Variants in PCMTD1 observed in about 807,000 individuals in gnomAD.
PCMTD1 encodes the protein protein-L-isoaspartate (D-aspartate) O-methyltransferase domain containing 1.
Under a neutral mutation model 37.6 loss-of-function variants are expected in PCMTD1, and 12 were observed. The ratio of observed to expected loss-of-function variants is 0.32; its 90% CI spans 0.20 to 0.52. The LOEUF (loss-of-function observed/expected upper bound fraction) is 0.52. Ranked by LOEUF, PCMTD1 falls within the 20% of genes least tolerant of loss-of-function variation. The pLI, the probability that PCMTD1 is intolerant of heterozygous loss-of-function variation, is 0.97. For missense variants in PCMTD1, 235 were observed against 421.3 expected (o/e 0.56, Z 3.87); for synonymous variants, 117 against 135.8 (o/e 0.86, Z 0.96).
At chr8:51,863,025 T>C (rs570071684) in intron 1 of PCMTD1, among the ~76,000 whole-genome samples, 2 of 73,616 alleles carry the variant, frequency 2.7e-5, no homozygotes, top group South Asian at 1.2e-3. Flanking sequence ...AGCATTTCAA[T>C]ACTTTTTTTT....
intron 1 of PCMTD1, among the ~76,000 whole-genome samples, chr8:51,897,823 T>C (rs1563368756): frequency 1.3e-5 from 2 of 152,188 alleles, no homozygotes; most frequent in Non-Finnish European, 2.9e-5. Flanking sequence ...TTTTTTAAAA[T>C]AATGAGGTGT....
intron 1 of PCMTD1, among the ~76,000 whole-genome samples, chr8:51,894,341 T>C (rs2038972565): frequency 6.6e-6 from 1 of 152,156 alleles, no homozygotes; most frequent in East Asian, 1.9e-4. Flanking sequence ...AGTCAAATAA[T>C]GCAGTTTTGA....
At position 51,853,430 on chromosome 8, in the gene PCMTD1, G is replaced by C. The variant is rs191701865; in HGVS notation, c.307+7415C>G. Among the ~76,000 whole-genome samples the C allele has an allele frequency of 5.2e-3, 786 of 151,094 alleles. 1 individual carries two copies. Among genetic ancestry groups the C allele is most frequent in the Middle Eastern group, 0.021 (6 of 290 alleles). ...CTGTAGGTGCCAGCTCCTACACAGG[G>C]AGATAGAGATTCACAAATTTTACAC... is the stretch of plus-strand genomic sequence containing the variant. On this transcript the variant is annotated intron_variant, in intron 2 of 5. Coordinates refer to ENST00000522514, the MANE Select transcript of PCMTD1 (RefSeq NM_052937.4).
intron 1 of PCMTD1, among the ~76,000 whole-genome samples, chr8:51,893,747 C>T (rs1321979478): frequency 6.6e-6 from 1 of 152,046 alleles, no homozygotes; most frequent in Non-Finnish European, 1.5e-5. Context: ...TTCATGATAG[C>T]CTACAACAAG....
intron 2 of PCMTD1, among the ~76,000 whole-genome samples, chr8:51,859,592 AG>A (rs1053684839): frequency 2.0e-5 from 3 of 152,166 alleles, no homozygotes; most frequent in African/African-American, 7.2e-5. Context: ...GCTAGTGTGT[AG>A]GGAGGAAATT....
intron 3 of PCMTD1, among the ~76,000 whole-genome samples, chr8:51,838,071 GC>G (rs1015760926): frequency 3.0e-4 from 45 of 152,314 alleles, no homozygotes; most frequent in Middle Eastern, 3.4e-3. Context: ...ACAGGCGTGA[GC>G]CACCACACCC....
At chr8:51,881,933 T>A (rs186444116) in intron 1 of PCMTD1, among the ~76,000 whole-genome samples, 36 of 152,352 alleles carry the variant, frequency 2.4e-4, no homozygotes, top group African/African-American at 8.4e-4. Context: ...CAAGCATCCA[T>A]GTTTTTGCAT....
chr8:51,831,071 G>A (rs967101201), intron 5 of PCMTD1, among the ~76,000 whole-genome samples: 2 of 152,078 alleles, frequency 1.3e-5, no homozygotes, highest in Non-Finnish European at 2.9e-5. Context: ...GCTGAGATGG[G>A]TGGATCACTC....
In PCMTD1 at chr8:51,820,269, A is replaced by C; in HGVS notation, c.*82T>G. The C allele has an allele frequency of 7.7e-7, 1 of 1,294,742 alleles. No homozygotes were observed. Among genetic ancestry groups the C allele is most frequent in the African/African-American group, 1.5e-5 (1 of 65,708 alleles). 80.2% of individuals were successfully genotyped at this position (1,294,742 alleles called of 1,614,324 possible). A position where few individuals can be genotyped will look rare whatever the true frequency, so the allele number is the denominator to read the frequency against. ...ATAATTTGCTCTGATGAAAGAAATA[A>C]TTCTCTCTTTTAACTCCTAACAAAT... On this transcript the variant is annotated 3_prime_UTR_variant, in exon 6 of 6. Coordinates refer to ENST00000522514, the MANE Select transcript of PCMTD1 (RefSeq NM_052937.4).
At chr8:51,822,102 A>G (rs976232518) in intron 5 of PCMTD1, among the ~76,000 whole-genome samples, 2 of 152,268 alleles carry the variant, frequency 1.3e-5, no homozygotes, top group South Asian at 4.1e-4. Context: ...TAAGATCTAG[A>G]TGATATAACA....
intron 1 of PCMTD1, among the ~76,000 whole-genome samples, chr8:51,865,779 T>C (rs2038546016): frequency 6.6e-6 from 1 of 151,870 alleles, no homozygotes; most frequent in Non-Finnish European, 1.5e-5. Flanking sequence ...TATTCTTAAC[T>C]ACTTCTATTC....
At chr8:51,867,686 A>G (rs1329534922) in intron 1 of PCMTD1, among the ~76,000 whole-genome samples, 1 of 152,084 alleles carries the variant, frequency 6.6e-6, no homozygotes, top group African/African-American at 2.4e-5. Flanking sequence ...ACACTAAGTC[A>G]TAAGACATAC....
In PCMTD1 at chr8:51,898,787, C is replaced by T. The variant is rs561967916; in HGVS notation, c.-96+143G>A. On this transcript the variant is annotated intron_variant, in intron 1 of 5. Transcript: ENST00000522514. ...GTTTCCTGGCCCCCGACCTGCCCGC[C>T]CTTAAGTCCCCCTGCCCCCGACTCT... 1.1e-4 allele frequency: 91 copies of T among 820,978 alleles called. No individual in the cohort carries two copies. The African/African-American group carries it at 1.5e-3, about 14-fold the overall frequency. 50.9% of individuals were successfully genotyped at this position (820,978 alleles called of 1,614,324 possible). A position where few individuals can be genotyped will look rare whatever the true frequency, so the allele number is the denominator to read the frequency against.
chr8:51,871,267 A>T (rs938203977), intron 1 of PCMTD1, among the ~76,000 whole-genome samples: 1 of 152,226 alleles, frequency 6.6e-6, no homozygotes, highest in Non-Finnish European at 1.5e-5. Flanking sequence ...GACAGTACAT[A>T]CAGAAGTCTG....
At chr8:51,852,803 G>GA (rs1215448724) in intron 2 of PCMTD1, among the ~76,000 whole-genome samples, 1 of 151,966 alleles carries the variant, frequency 6.6e-6, no homozygotes, top group African/African-American at 2.4e-5. Context: ...TAATTTAGAA[G>GA]AAAAAAGTAC....
chr8:51,824,733 CCAAGA>C, intron 5 of PCMTD1, among the ~76,000 whole-genome samples: 1 of 152,132 alleles, frequency 6.6e-6, no homozygotes, highest in East Asian at 1.9e-4. Flanking sequence ...GCCTGCATAG[CCAAGA>C]CAATCTTAAA....
intron 1 of PCMTD1, among the ~76,000 whole-genome samples, chr8:51,897,633 C>T (rs189904531): frequency 5.9e-5 from 9 of 152,280 alleles, no homozygotes; most frequent in Admixed American, 5.2e-4. Context: ...CTGCTTAATA[C>T]GAAAGTAATG....
chr8:51,831,346 G>T, intron 5 of PCMTD1, 98 bp downstream of exon 5: 5 of 1,137,258 alleles, frequency 4.4e-6, no homozygotes, highest in South Asian at 1.7e-5. Flanking sequence ...TACTGCATAA[G>T]TATTTAATTC....
intron 2 of PCMTD1, among the ~76,000 whole-genome samples, chr8:51,859,093 C>G (rs1407532991): frequency 2.6e-5 from 4 of 152,156 alleles, no homozygotes; most frequent in Non-Finnish European, 5.9e-5. Context: ...TGACCTCCCT[C>G]AGCACGAGCC....
Sources: gnomAD v4.1 joint callset for allele counts (sites outside exome capture counted in the v4.1 genomes callset) on GRCh38, gnomAD v4.1.1 for gene constraint, MANE v1.5 for transcripts, NCBI Gene and HGNC (gene_info 2026-07-23, HGNC 2026-07-21) for gene names.